AHDC1: variants seen among roughly 807,000 people sequenced by gnomAD.
AHDC1 encodes AT-hook DNA binding motif containing 1, also known as transcription factor Gibbin.
A neutral mutation model predicts 87.9 loss-of-function variants in AHDC1; 7 were observed. The observed-to-expected ratio is 0.08, with a 90% CI of 0.05 to 0.15. AHDC1 has a LOEUF of 0.15. Among genes scored for constraint, AHDC1 ranks in the 10% least tolerant of loss-of-function variants. The probability of loss-of-function intolerance (pLI) is 1.00; values close to 1 mark genes in which losing one functional copy is unlikely to be tolerated. For synonymous variants in AHDC1, 1,051 were observed against 1,006.8 expected (o/e 1.04, Z -0.83); for missense variants, 1,841 against 2,253.2 (o/e 0.82, Z 3.70).
intron 5 of AHDC1, among the ~76,000 whole-genome samples, chr1:27,555,770 C>T (rs369122744): frequency 6.6e-6 from 1 of 152,140 alleles, no homozygotes; most frequent in African/African-American, 2.4e-5. Flanking sequence ...CCCTGGAGAC[C>T]TCCCAGCTGG....
In AHDC1 at chr1:27,557,819, T is replaced by C. The variant is rs138276105; in HGVS notation, c.-225+486A>G. ...CATATTCATACTTCCGGGTACCACA[T>C]ACACAGCCCTTGAACGCTCCCCAGC... On this transcript the variant is annotated intron_variant, in intron 5 of 8. Transcript: ENST00000673934. Among the ~76,000 whole-genome samples the C allele has an allele frequency of 6.7e-4, 102 of 152,226 alleles. 1 individual carries two copies. In the East Asian group the frequency reaches 0.014, roughly 20 times the overall value.
At position 27,548,636 on chromosome 1, in the gene AHDC1, C is replaced by T. The variant is rs780089567; in HGVS notation, c.3480G>A (p.Ser1160=). The change falls in exon 8 of 9, where the codon TCG becomes TCA. Residue 1160 remains serine, a synonymous_variant. Transcript: ENST00000673934. The part of the protein sequence containing the change: ...PQKVKQQTAV[S]ETFSESSSDS... ...CGGAGGATGACTCAGAGAAGGTCTCCGACACAGCCGTCTGCTGCTTCACCT... is the reference window on the plus strand; with the variant it reads ...CGGAGGATGACTCAGAGAAGGTCTCTGACACAGCCGTCTGCTGCTTCACCT... 9 of 1,613,432 alleles carry T rather than the reference C, an allele frequency of 5.6e-6. No homozygotes were observed. The highest frequency in any genetic ancestry group is 1.6e-4 in the Middle Eastern group (1 of 6,062).
intron 3 of AHDC1, among the ~76,000 whole-genome samples, chr1:27,575,942 C>A (rs1008105630): frequency 6.6e-6 from 1 of 151,672 alleles, no homozygotes; most frequent in African/African-American, 2.4e-5. Flanking sequence ...CGTCGCGATC[C>A]GGGTCGGGCT....
chr1:27,578,116 A>G (rs1274290263), intron 3 of AHDC1, among the ~76,000 whole-genome samples: 1 of 152,204 alleles, frequency 6.6e-6, no homozygotes, highest in African/African-American at 2.4e-5. Context: ...GCTGTCCAAC[A>G]TGGTAGCCAC....
chr1:27,602,623 G>A (rs1278516289), intron 3 of AHDC1, among the ~76,000 whole-genome samples: 2 of 152,190 alleles, frequency 1.3e-5, no homozygotes, highest in Admixed American at 6.5e-5. Context: ...CTGCCTAGGG[G>A]GCTGACAGCT....
chr1:27,545,855 AG>A (rs1465485872), intron 8 of AHDC1, among the ~76,000 whole-genome samples: 1 of 152,090 alleles, frequency 6.6e-6, no homozygotes, highest in African/African-American at 2.4e-5. Flanking sequence ...AGGCCCAGAG[AG>A]GGGCAAAAGC....
At chr1:27,588,899 G>A (rs1366599425) in intron 3 of AHDC1, among the ~76,000 whole-genome samples, 1 of 152,100 alleles carries the variant, frequency 6.6e-6, no homozygotes, top group African/African-American at 2.4e-5. Context: ...CTGCTAGGAG[G>A]GAGTGATTGA....
chr1:27,572,916 C>G (rs1268260233), intron 3 of AHDC1, among the ~76,000 whole-genome samples: 2 of 152,254 alleles, frequency 1.3e-5, no homozygotes, highest in Non-Finnish European at 2.9e-5. Context: ...CGACTGGTCA[C>G]TGACACACAC....
At position 27,550,654 on chromosome 1, in the gene AHDC1, G is replaced by A. The variant is rs2019488006; in HGVS notation, c.1462C>T (p.Arg488Trp). ...GACACTTTGTATGTGGTCTTGTTCCGCCGCCCCAGCGATACGGGGATCTTG... is the reference window on the plus strand; with the variant it reads ...GACACTTTGTATGTGGTCTTGTTCCACCGCCCCAGCGATACGGGGATCTTG... Reference protein sequence around the residue: ...MAKIPVSLGRRNKTTYKVSSL... With the variant: ...MAKIPVSLGRWNKTTYKVSSL... Residue 488 changes from arginine (R) to tryptophan (W), a missense_variant, in exon 8 of 9, where the codon CGG (arginine) becomes TGG (tryptophan). Arg to Trp is a moderately radical substitution (Grantham distance 101). This residue lies in a region of AHDC1 where 27 missense variants were observed against 58.6 expected (regional missense o/e 0.46). Coordinates refer to ENST00000673934, the MANE Select transcript of AHDC1 (RefSeq NM_001371928.1). 2.5e-6 allele frequency: 4 copies of A among 1,613,230 alleles called. No individual in the cohort carries two copies. The highest frequency in any genetic ancestry group is 3.4e-6 in the Non-Finnish European group (4 of 1,179,946).
intron 3 of AHDC1, among the ~76,000 whole-genome samples, chr1:27,599,539 G>C (rs926225998): frequency 2.5e-4 from 38 of 152,276 alleles, no homozygotes; most frequent in African/African-American, 8.9e-4. Flanking sequence ...AACAGCCCAG[G>C]TCCCAGCCTG....
chr1:27,553,379 C>G (rs1008523017), intron 5 of AHDC1, 194 bp from the exon 6 acceptor site: 1 of 152,220 alleles, frequency 6.6e-6, no homozygotes, highest in African/African-American at 2.4e-5. Flanking sequence ...TTCATACACT[C>G]ATTAGTTATA....
At chr1:27,568,662 G>A (rs2020430300) in intron 3 of AHDC1, among the ~76,000 whole-genome samples, 2 of 151,934 alleles carry the variant, frequency 1.3e-5, no homozygotes, top group Admixed American at 6.5e-5. Flanking sequence ...CGGGGTCGGG[G>A]CTTCGGACAC....
chr1:27,563,082 G>A lies in AHDC1; in HGVS notation c.-628-4199C>T, dbSNP rs1324786464. 1.3e-5 allele frequency among the ~76,000 whole-genome samples: 2 copies of A among 151,960 alleles called. No homozygotes were observed. Among genetic ancestry groups the A allele is most frequent in the African/African-American group, 2.4e-5 (1 of 41,340 alleles). Reference sequence around the variant, plus strand: ...ACCAGGCACCCCCACACCCACTAATGCACAGAGAACCTGTTACACAGCTGA... The same window carrying A: ...ACCAGGCACCCCCACACCCACTAATACACAGAGAACCTGTTACACAGCTGA... On this transcript the variant is annotated intron_variant, in intron 3 of 8. Transcript: ENST00000673934. The surrounding 1 kb of genome is among the most constrained non-coding windows in gnomAD (Gnocchi z 6.1).
chr1:27,546,977 C>A (rs1277624475), intron 8 of AHDC1, among the ~76,000 whole-genome samples: 1 of 152,146 alleles, frequency 6.6e-6, no homozygotes, highest in Non-Finnish European at 1.5e-5. Context: ...ATAAACCAAA[C>A]TACAGGGCCC....
Position 27,577,312 on chromosome 1 carries a change from C to T in AHDC1, c.-628-18429G>A, listed in dbSNP as rs2088783639. ...CTCCTGGTCGGTTGCCCCACTGCAG[C>T]CCTCTGAATCTGTTCAGCTCCTGCC... On this transcript the variant is annotated intron_variant, in intron 3 of 8. Coordinates refer to ENST00000673934, the MANE Select transcript of AHDC1 (RefSeq NM_001371928.1). Among the ~76,000 whole-genome samples, 3 of 152,226 alleles carry T rather than the reference C, an allele frequency of 2.0e-5. No individual in the cohort carries two copies. The South Asian group carries it at 6.2e-4, about 31-fold the overall frequency.
intron 3 of AHDC1, among the ~76,000 whole-genome samples, chr1:27,575,788 C>T (rs1249196757): frequency 1.3e-5 from 2 of 151,496 alleles, no homozygotes; most frequent in African/African-American, 4.8e-5. Context: ...GCAGCCCCGA[C>T]CGGGGGCTAT....
At chr1:27,536,124 G>A (rs1443335223) in intron 8 of AHDC1, among the ~76,000 whole-genome samples, 1 of 151,962 alleles carries the variant, frequency 6.6e-6, no homozygotes, top group Non-Finnish European at 1.5e-5. Flanking sequence ...GCAGGAATCA[G>A]GCGGCGGCAG....
In AHDC1 at chr1:27,549,611, G is replaced by A. The variant is rs1156789109; in HGVS notation, c.2505C>T (p.Leu835=). 3 of 1,613,094 alleles carry A rather than the reference G, an allele frequency of 1.9e-6. No homozygotes were observed. The highest frequency in any genetic ancestry group is 1.1e-5 in the South Asian group (1 of 91,090). Reference sequence around the variant, plus strand: ...GCAGCGAGCGAAAGTAGCCGGTGAAGAGGTTTTGGCGCTCCTGGCTGAGCT... The same window carrying A: ...GCAGCGAGCGAAAGTAGCCGGTGAAAAGGTTTTGGCGCTCCTGGCTGAGCT... The part of the protein sequence containing the change: ...QTELSQERQN[L]FTGYFRSLLD... Residue 835 remains leucine (L), a synonymous_variant, in exon 8 of 9, where the codon CTC becomes CTT. Coordinates refer to ENST00000673934, the MANE Select transcript of AHDC1 (RefSeq NM_001371928.1).
At chr1:27,599,940 T>C (rs2089484997) in intron 3 of AHDC1, among the ~76,000 whole-genome samples, 1 of 151,848 alleles carries the variant, frequency 6.6e-6, no homozygotes, top group South Asian at 2.1e-4. Context: ...AAACATCTGC[T>C]TGTCTCTCCT....
Sources: gnomAD v4.1 joint callset for allele counts (sites outside exome capture counted in the v4.1 genomes callset) on GRCh38, gnomAD v4.1.1 for gene constraint, gnomAD v4.1.1 regional missense constraint, Gnocchi (gnomAD v3.1) non-coding constraint, MANE v1.5 for transcripts, NCBI Gene and HGNC (gene_info 2026-07-23, HGNC 2026-07-21) for gene names.